The following IGSF3 variants were observed in gnomAD, a reference collection of about 807,000 sequenced individuals.
IGSF3 encodes the protein immunoglobulin superfamily member 3.
In IGSF3, 23 loss-of-function variants were observed where a neutral mutation model predicts 114.4. That is an observed-to-expected ratio of 0.20 (90% CI 0.14 to 0.28). The LOEUF is 0.28. Among genes scored for constraint, IGSF3 ranks in the 10% least tolerant of loss-of-function variants. The probability of loss-of-function intolerance (pLI) is 1.00; values close to 1 mark genes in which losing one functional copy is unlikely to be tolerated. For missense variants in IGSF3, 1,172 were observed against 1,591.5 expected, an observed-to-expected ratio of 0.74 and a Z score of 4.48; for synonymous variants, 571 against 645.2, an observed-to-expected ratio of 0.88 and a Z score of 1.74.
chr1:116,662,729 A>G lies in IGSF3; in HGVS notation c.43+3555T>C, dbSNP rs1649165595. On this transcript the variant is annotated intron_variant, in intron 2 of 10. Coordinates refer to ENST00000369486, the MANE Select transcript of IGSF3 (RefSeq NM_001007237.3). The surrounding 1 kb of genome is among the most constrained non-coding windows in gnomAD (Gnocchi z 4.3). Reference sequence around the variant, plus strand: ...AGGGAAGTGCACTACCTCTGGGACAACTATTAGGACAGTGGTGTTTGTTCA... The same window carrying G: ...AGGGAAGTGCACTACCTCTGGGACAGCTATTAGGACAGTGGTGTTTGTTCA... Among the ~76,000 whole-genome samples, 1 of 152,210 alleles carries G rather than the reference A, an allele frequency of 6.6e-6. No individual in the cohort carries two copies. Among genetic ancestry groups the G allele is most frequent in the East Asian group, 1.9e-4 (1 of 5,198 alleles).
Position 116,616,397 on chromosome 1 carries a change from C to A in IGSF3, c.104G>T (p.Gly35Val). The part of the protein sequence containing the change: ...VQEGPLYRTE[G>V]SHITIWCNVS... ...ATTGCACCAGATAGTGATGTGGGAG[C>A]CCTCCGTGCGGTACAAGGGTCCTTC... The change falls in exon 3 of 11, where the codon GGC (glycine) becomes GTC (valine). Residue 35 changes from glycine to valine, a missense_variant. Gly to Val is a moderately radical substitution (Grantham distance 109). Transcript: ENST00000369486. The surrounding 1 kb of genome is among the most constrained non-coding windows in gnomAD (Gnocchi z 6.6). The A allele has an allele frequency of 1.2e-6, 2 of 1,610,378 alleles. No homozygotes were observed. Among genetic ancestry groups the A allele is most frequent in the Non-Finnish European group, 1.7e-6 (2 of 1,178,392 alleles).
chr1:116,658,301 A>C (rs1256290433), intron 2 of IGSF3, among the ~76,000 whole-genome samples: 6 of 151,996 alleles, frequency 3.9e-5, no homozygotes, highest in African/African-American at 1.5e-4. Context: ...CGGCCTCCCA[A>C]AGTGCTGGAA....
intron 4 of IGSF3, 131 bp from the exon 5 acceptor site, chr1:116,608,462 T>C: frequency 2.8e-6 from 2 of 713,882 alleles, no homozygotes; most frequent in East Asian, 5.4e-5. Flanking sequence ...CCACAGCACT[T>C]AGCTTGAGAG....
At chr1:116,620,728 T>C (rs1261965640) in intron 2 of IGSF3, among the ~76,000 whole-genome samples, 1 of 152,150 alleles carries the variant, frequency 6.6e-6, no homozygotes, top group African/African-American at 2.4e-5. Context: ...CTTCAGATAA[T>C]GTCAACCCCA....
chr1:116,626,792 C>T (rs1297832046), intron 2 of IGSF3, among the ~76,000 whole-genome samples: 1 of 152,158 alleles, frequency 6.6e-6, no homozygotes, highest in Non-Finnish European at 1.5e-5. Context: ...AGTCCTGCCA[C>T]CCTCTCACCT....
At chr1:116,580,079 A>G (rs17036013) in intron 9 of IGSF3, among the ~76,000 whole-genome samples, 7,097 of 152,316 alleles carry the variant, frequency 0.047, 547 homozygotes, top group African/African-American at 0.16. Context: ...GTTACTGTCC[A>G]TGTCATTGTA....
At position 116,584,581 on chromosome 1, in the gene IGSF3, T is replaced by A; in HGVS notation, c.2848+64A>T. On this transcript the variant is annotated intron_variant, in intron 9 of 10. Coordinates refer to ENST00000369486, the MANE Select transcript of IGSF3 (RefSeq NM_001007237.3). This position sits in a 1 kb window ranked among gnomAD's most constrained non-coding sequence, Gnocchi z 5.8. Reference sequence around the variant, plus strand: ...TAATAAACTAATTTTATCCAGTGCATAAAACAGTATACTTAAATGGGAAAC... The same window carrying A: ...TAATAAACTAATTTTATCCAGTGCAAAAAACAGTATACTTAAATGGGAAAC... 6.6e-7 allele frequency: 1 copy of A among 1,508,562 alleles called. No individual in the cohort carries two copies. The highest frequency in any genetic ancestry group is 1.1e-5 in the South Asian group (1 of 88,328). 93.4% of individuals were successfully genotyped at this position (1,508,562 alleles called of 1,614,324 possible).
rs749600198 is a variant in IGSF3, at chr1:116,579,795, C to G, written c.2931G>C (p.Val977=). The G allele has an allele frequency of 3.1e-6, 5 of 1,614,072 alleles. No individual in the cohort carries two copies. The Admixed American group carries it at 8.3e-5, about 27-fold the overall frequency. Residue 977 remains valine (V), a synonymous_variant, in exon 10 of 11, where the codon GTG becomes GTC. Transcript: ENST00000369486. This position sits in a 1 kb window ranked among gnomAD's most constrained non-coding sequence, Gnocchi z 6.4. ...KAAFQLDCSI[V]SRSSQDSRFA... ...AGCGGGAGTCCTGGCTGGAGCGGGA[C>G]ACGATGCTACAGTCCAGCTGGAAAG...
rs1474889887 is a variant in IGSF3, at chr1:116,610,243, A to G, written c.833-1912T>C. ...AATGACAGAAAAGCACTCCTTCCAC[A>G]TAAACACCACTGGAGCTGTGCAAGG... is the stretch of plus-strand genomic sequence containing the variant. On this transcript the variant is annotated intron_variant, in intron 4 of 10. Transcript: ENST00000369486. The surrounding 1 kb of genome is among the most constrained non-coding windows in gnomAD (Gnocchi z 4.3). Among the ~76,000 whole-genome samples, 1 of 152,186 alleles carries G rather than the reference A, an allele frequency of 6.6e-6. No homozygotes were observed. Among genetic ancestry groups the G allele is most frequent in the African/African-American group, 2.4e-5 (1 of 41,426 alleles).
In IGSF3 at chr1:116,607,418, C is replaced by T. The variant is rs575963934; in HGVS notation, c.1222+524G>A. On this transcript the variant is annotated intron_variant, in intron 5 of 10. Transcript: ENST00000369486. The surrounding 1 kb of genome is among the most constrained non-coding windows in gnomAD (Gnocchi z 6.1). ...TCCCATCCACCGACTTTTAGAAACA[C>T]AATTTCAACAGGGAAAAGCCATTTA... is the stretch of plus-strand genomic sequence containing the variant. 6.6e-6 allele frequency among the ~76,000 whole-genome samples: 1 copy of T among 152,346 alleles called. No individual in the cohort carries two copies. Among genetic ancestry groups the T allele is most frequent in the East Asian group, 1.9e-4 (1 of 5,182 alleles).
intron 2 of IGSF3, among the ~76,000 whole-genome samples, chr1:116,646,704 C>A (rs1250701463): frequency 1.3e-5 from 2 of 152,192 alleles, no homozygotes; most frequent in African/African-American, 2.4e-5. Context: ...GGGAACAAAG[C>A]CGGGGTCCCT....
chr1:116,608,521 A>C (rs970275713), intron 4 of IGSF3, among the ~76,000 whole-genome samples, 190 bp from the exon 5 acceptor site: 3 of 152,174 alleles, frequency 2.0e-5, no homozygotes, highest in Non-Finnish European at 2.9e-5. Flanking sequence ...GAAACGCCTG[A>C]ATATCACAGA....
Position 116,577,773 on chromosome 1 carries a change from A to G in IGSF3, c.3335-211T>C, listed in dbSNP as rs1219075664. ...TCCTAATTTACGGCTGTATGTTCCA[A>G]CAAAGCAATGCTTCTGTTTTCCATT... On this transcript the variant is annotated intron_variant, in intron 10 of 10. Coordinates refer to ENST00000369486, the MANE Select transcript of IGSF3 (RefSeq NM_001007237.3). This position sits in a 1 kb window ranked among gnomAD's most constrained non-coding sequence, Gnocchi z 5.7. Among the ~76,000 whole-genome samples, 1 of 152,176 alleles carries G rather than the reference A, an allele frequency of 6.6e-6. No individual in the cohort carries two copies. The highest frequency in any genetic ancestry group is 2.4e-5 in the African/African-American group (1 of 41,432).
chr1:116,610,293 C>T lies in IGSF3; in HGVS notation c.833-1962G>A, dbSNP rs572930028. ...GGGTACCCTAGACCTCAGACCTTTC[C>T]GTTGCTCCAGGTTAGCCTGGCTGTA... On this transcript the variant is annotated intron_variant, in intron 4 of 10. Transcript: ENST00000369486. The surrounding 1 kb of genome is among the most constrained non-coding windows in gnomAD (Gnocchi z 4.3). Among the ~76,000 whole-genome samples, 7 of 152,310 alleles carry T rather than the reference C, an allele frequency of 4.6e-5. No homozygotes were observed. In the East Asian group the frequency reaches 9.6e-4, roughly 21 times the overall value.
rs79057747 is a variant in IGSF3 at position 116,598,746 on chromosome 1, T to C, written c.2029+1195A>G. Among the ~76,000 whole-genome samples the C allele has an allele frequency of 6.6e-6, 1 of 152,154 alleles. No homozygotes were observed. Among genetic ancestry groups the C allele is most frequent in the Admixed American group, 6.5e-5 (1 of 15,276 alleles). On this transcript the variant is annotated intron_variant, in intron 7 of 10. Coordinates refer to ENST00000369486, the MANE Select transcript of IGSF3 (RefSeq NM_001007237.3). This position sits in a 1 kb window ranked among gnomAD's most constrained non-coding sequence, Gnocchi z 4.3. ...ACAGGTGTCTGTTCCAGCCGAGGCA[T>C]GGGCTGGGCGAGGGAAGGAACACGG...
rs182981966 is a variant in IGSF3, at chr1:116,593,831, G to A, written c.2030-4727C>T. On this transcript the variant is annotated intron_variant, in intron 7 of 10. Transcript: ENST00000369486. This position sits in a 1 kb window ranked among gnomAD's most constrained non-coding sequence, Gnocchi z 4.5. ...GCAGCTAATTGCAAGCAGGTCTCTG[G>A]TTGCCATATTGATTTGGGGAGGGGT... Among the ~76,000 whole-genome samples, 3,909 of 152,220 alleles carry A rather than the reference G, an allele frequency of 0.026. 81 individuals carry two copies. The highest frequency in any genetic ancestry group is 0.036 in the Non-Finnish European group (2,467 of 68,018).
intron 2 of IGSF3, among the ~76,000 whole-genome samples, chr1:116,652,541 C>A (rs1648675969): frequency 2.0e-5 from 3 of 152,174 alleles, no homozygotes; most frequent in Non-Finnish European, 4.4e-5. Context: ...AATTCTTTTG[C>A]AAGACACCTT....
At position 116,585,000 on chromosome 1, in the gene IGSF3, G is replaced by A; in HGVS notation, c.2493C>T (p.Thr831=). 6.3e-7 allele frequency: 1 copy of A among 1,576,914 alleles called. No individual in the cohort carries two copies. Among genetic ancestry groups the A allele is most frequent in the Non-Finnish European group, 8.7e-7 (1 of 1,155,468 alleles). Residue 831 remains threonine (T), a synonymous_variant, in exon 9 of 11, where the codon ACC becomes ACT. Transcript: ENST00000369486. The surrounding 1 kb of genome is among the most constrained non-coding windows in gnomAD (Gnocchi z 5.8). ...CCACACACTCCAGCTGTACCTGCCG[G>A]GTCTCCAGAACCGACAGGTTCCCCT... ...QAQGNLSVLE[T]RQVQLECVVL...
chr1:116,609,860 C>T (rs1204547678), intron 4 of IGSF3, among the ~76,000 whole-genome samples: 1 of 152,134 alleles, frequency 6.6e-6, no homozygotes, highest in Non-Finnish European at 1.5e-5. Flanking sequence ...CTTTTCCAGC[C>T]CCAGCTCAGC....
Sources: allele counts gnomAD v4.1 joint callset (sites outside exome capture counted in the v4.1 genomes callset), GRCh38; gene constraint gnomAD v4.1.1; non-coding constraint Gnocchi (gnomAD v3.1); transcripts MANE v1.5; gene names NCBI Gene and HGNC (gene_info 2026-07-23, HGNC 2026-07-21).